The following ZNF521 variants were observed in gnomAD, a reference collection of about 807,000 sequenced individuals.
ZNF521 encodes LYST-interacting protein 3.
A neutral mutation model predicts 105.5 loss-of-function variants in ZNF521; 14 were observed. That is an observed-to-expected ratio of 0.13 (90% confidence interval 0.09 to 0.21). The LOEUF is 0.21. Among genes scored for constraint, ZNF521 ranks in the 10% least tolerant of loss-of-function variants. The pLI, the probability that ZNF521 is intolerant of heterozygous loss-of-function variation, is 1.00. For missense variants in ZNF521, 1,233 were observed against 1,629.7 expected, an observed-to-expected ratio of 0.76 and a Z score of 4.19; for synonymous variants, 635 against 606.0, an observed-to-expected ratio of 1.05 and a Z score of -0.70.
At chr18:25,198,100 T>A (rs1323819895) in intron 4 of ZNF521, among the ~76,000 whole-genome samples, 1 of 151,962 alleles carries the variant, frequency 6.6e-6, no homozygotes, top group African/African-American at 2.4e-5. Context: ...CTTGAAATGC[T>A]AATTTAGTAC....
chr18:25,118,680 T>C (rs956253255), intron 5 of ZNF521, among the ~76,000 whole-genome samples: 2 of 151,840 alleles, frequency 1.3e-5, no homozygotes, highest in Non-Finnish European at 2.9e-5. Context: ...ATAATGGAAT[T>C]ATAAAAACGA....
intron 3 of ZNF521, among the ~76,000 whole-genome samples, chr18:25,305,311 C>A (rs529866768): frequency 6.6e-6 from 1 of 152,082 alleles, no homozygotes; most frequent in African/African-American, 2.4e-5. Context: ...ATTTATAAAA[C>A]GAGAAATCTT....
In ZNF521 at chr18:25,064,836, T is replaced by A. The variant is rs573005299; in HGVS notation, c.3907-2095A>T. ...ATTTTTGAAAAAGATGGATGACAAA[T>A]CATGATGCAGACCAGTATTTCACTC... On this transcript the variant is annotated intron_variant, in intron 7 of 7. Transcript: ENST00000361524. Among the ~76,000 whole-genome samples the A allele has an allele frequency of 3.9e-5, 6 of 152,326 alleles. No individual in the cohort carries two copies. The South Asian group carries it at 1.0e-3, about 26-fold the overall frequency.
chr18:25,302,758 T>C (rs1302805367), intron 3 of ZNF521: 1 of 152,172 alleles, frequency 6.6e-6, no homozygotes. Flanking sequence ...AGTTTCTCCA[T>C]GGGAAAATTT....
chr18:25,284,925 C>CACACACAA (rs1338147786), intron 3 of ZNF521, among the ~76,000 whole-genome samples: 1 of 151,970 alleles, frequency 6.6e-6, no homozygotes, highest in Non-Finnish European at 1.5e-5. Context: ...CACACACACA[C>CACACACAA]ACACACACAG....
intron 5 of ZNF521, among the ~76,000 whole-genome samples, chr18:25,128,236 T>C (rs2034572877): frequency 6.6e-6 from 1 of 151,688 alleles, no homozygotes; most frequent in Admixed American, 6.6e-5. Flanking sequence ...TATCAACAGA[T>C]ACAAAAAAAG....
chr18:25,230,783 A>C (rs986737580), intron 3 of ZNF521, among the ~76,000 whole-genome samples: 1 of 152,014 alleles, frequency 6.6e-6, no homozygotes, highest in African/African-American at 2.4e-5. Flanking sequence ...ACTTGAGCTG[A>C]CTCTCCGAGA....
chr18:25,098,407 T>C (rs1387423896), intron 5 of ZNF521, among the ~76,000 whole-genome samples: 3 of 152,008 alleles, frequency 2.0e-5, no homozygotes, highest in African/African-American at 7.2e-5. Context: ...ACATGGTGCC[T>C]ACAAATAGCT....
intron 5 of ZNF521, among the ~76,000 whole-genome samples, chr18:25,108,332 C>G (rs1268401575): frequency 1.3e-5 from 2 of 152,054 alleles, no homozygotes; most frequent in African/African-American, 4.8e-5. Context: ...AAATTAAAAG[C>G]ATGAGGAGAT....
intron 3 of ZNF521, among the ~76,000 whole-genome samples, chr18:25,243,565 C>T (rs1186077531): frequency 3.3e-5 from 5 of 152,196 alleles, no homozygotes; most frequent in African/African-American, 4.8e-5. Context: ...TATCCTTCTT[C>T]GTTTCCTTTC....
chr18:25,224,035 C>T (rs190388645), intron 4 of ZNF521: 126 of 304,970 alleles, frequency 4.1e-4, no homozygotes, highest in Non-Finnish European at 6.6e-4. Flanking sequence ...TTTCAACTCA[C>T]GGTGAAGCTA....
intron 5 of ZNF521, among the ~76,000 whole-genome samples, chr18:25,145,947 G>A (rs917824051): frequency 6.6e-6 from 1 of 152,142 alleles, no homozygotes; most frequent in Non-Finnish European, 1.5e-5. Flanking sequence ...GACAACATGG[G>A]AAACCTTTAG....
At chr18:25,262,471 A>G (rs1908975498) in intron 3 of ZNF521, among the ~76,000 whole-genome samples, 1 of 152,210 alleles carries the variant, frequency 6.6e-6, no homozygotes, top group South Asian at 2.1e-4. Flanking sequence ...AACATCTGGG[A>G]AGATTAACTA....
intron 5 of ZNF521, among the ~76,000 whole-genome samples, chr18:25,186,110 T>TGAAA (rs2144606697): frequency 6.6e-6 from 1 of 152,312 alleles, no homozygotes; most frequent in African/African-American, 2.4e-5. Flanking sequence ...GTCTTACTTT[T>TGAAA]CAGTCAGTGC....
At chr18:25,063,651 T>C (rs1018427941) in intron 7 of ZNF521, among the ~76,000 whole-genome samples, 1 of 152,078 alleles carries the variant, frequency 6.6e-6, no homozygotes, top group Non-Finnish European at 1.5e-5. Flanking sequence ...GTTTGCTAGT[T>C]GCTGTAAAGG....
chr18:25,279,108 A>T (rs749391136), intron 3 of ZNF521, among the ~76,000 whole-genome samples: 9 of 152,192 alleles, frequency 5.9e-5, no homozygotes, highest in Non-Finnish European at 1.2e-4. Context: ...CTATAATCAA[A>T]ATGTCCCAGA....
intron 5 of ZNF521, among the ~76,000 whole-genome samples, chr18:25,185,979 AT>A (rs1369365265): frequency 6.6e-6 from 1 of 152,182 alleles, no homozygotes; most frequent in Non-Finnish European, 1.5e-5. Context: ...TTCTATTTTT[AT>A]CCCTCATAAA....
intron 5 of ZNF521, among the ~76,000 whole-genome samples, chr18:25,144,105 A>G (rs900969909): frequency 3.9e-5 from 6 of 152,194 alleles, no homozygotes; most frequent in Non-Finnish European, 7.3e-5. Flanking sequence ...TTAATAGAAA[A>G]GGCAACTCCC....
chr18:25,177,046 A>G (rs2035547568), intron 5 of ZNF521, among the ~76,000 whole-genome samples: 2 of 152,132 alleles, frequency 1.3e-5, no homozygotes, highest in Admixed American at 6.5e-5. Flanking sequence ...CACAGCGAAC[A>G]GTTTTAACCT....
Sources: gnomAD v4.1 joint callset for allele counts (sites outside exome capture counted in the v4.1 genomes callset) on GRCh38, gnomAD v4.1.1 for gene constraint, MANE v1.5 for transcripts, NCBI Gene and HGNC (gene_info 2026-07-23, HGNC 2026-07-21) for gene names.